The following CDH13 variants were observed in gnomAD, a reference collection of about 807,000 sequenced individuals.
CDH13 encodes the protein cadherin 13.
A neutral mutation model predicts 63.8 loss-of-function variants in CDH13; 24 were observed. That is an observed-to-expected ratio of 0.38 (90% CI 0.27 to 0.53). The LOEUF (loss-of-function observed/expected upper bound fraction) is 0.53, where lower values mean the gene tolerates loss of function less well. Ranked by LOEUF, CDH13 falls within the 20% of genes least tolerant of loss-of-function variation. The probability of loss-of-function intolerance (pLI) is 0.85; values close to 1 mark genes in which losing one functional copy is unlikely to be tolerated. For missense variants in CDH13, 1,049 were observed against 903.1 expected, an observed-to-expected ratio of 1.16 and a Z score of -2.07; for synonymous variants, 503 against 355.3, an observed-to-expected ratio of 1.42 and a Z score of -4.67.
At chr16:83,384,308 C>G (rs1400341990) in intron 6 of CDH13, among the ~76,000 whole-genome samples, 1 of 152,216 alleles carries the variant, frequency 6.6e-6, no homozygotes, top group African/African-American at 2.4e-5. Flanking sequence ...ACTGCCACCT[C>G]TGCCTGACTT....
chr16:82,639,490 T>C, intron 1 of CDH13: 1 of 1,444,962 alleles, frequency 6.9e-7, no homozygotes, highest in East Asian at 2.5e-5. Context: ...TGCTGTGTCG[T>C]GTGGCTGGAT....
intron 8 of CDH13, among the ~76,000 whole-genome samples, chr16:83,649,613 A>C (rs1298368821): frequency 6.6e-6 from 1 of 152,120 alleles, no homozygotes; most frequent in African/African-American, 2.4e-5. Flanking sequence ...GGAGCCAGGG[A>C]CTGGAGTTCA....
intron 2 of CDH13, among the ~76,000 whole-genome samples, chr16:82,879,030 T>C (rs2040600765): frequency 6.6e-6 from 1 of 152,150 alleles, no homozygotes; most frequent in South Asian, 2.1e-4. Context: ...ATCCATGATG[T>C]ATATTTCCAA....
At chr16:83,513,128 C>A (rs1300109246) in intron 7 of CDH13, among the ~76,000 whole-genome samples, 1 of 151,994 alleles carries the variant, frequency 6.6e-6, no homozygotes, top group African/African-American at 2.4e-5. Flanking sequence ...GCCTATAATG[C>A]CTGCTAGTCC....
At chr16:83,117,507 G>A (rs1299899137) in intron 3 of CDH13, among the ~76,000 whole-genome samples, 1 of 151,792 alleles carries the variant, frequency 6.6e-6, no homozygotes, top group Non-Finnish European at 1.5e-5. Flanking sequence ...TTTCTCTTGA[G>A]CCATATGTGT....
chr16:82,827,568 A>C (rs1163434719), intron 1 of CDH13, among the ~76,000 whole-genome samples: 3 of 152,154 alleles, frequency 2.0e-5, no homozygotes, highest in Non-Finnish European at 4.4e-5. Context: ...GACTAGAGTC[A>C]ATCTGTAGAC....
intron 2 of CDH13, among the ~76,000 whole-genome samples, chr16:82,932,168 T>C (rs887490144): frequency 6.6e-6 from 1 of 152,180 alleles, no homozygotes; most frequent in East Asian, 1.9e-4. Context: ...TTTTGAGTCA[T>C]ATAGATGTAG....
chr16:83,345,063 C>G (rs2090810135), intron 6 of CDH13, 57 bp downstream of exon 6: 1 of 1,579,048 alleles, frequency 6.3e-7, no homozygotes. Flanking sequence ...ACACTTTGAT[C>G]TTTGTGGATT....
intron 2 of CDH13, 75 bp downstream of exon 2, chr16:82,858,548 A>G (rs759762303): frequency 3.2e-6 from 3 of 929,032 alleles, no homozygotes; most frequent in Admixed American, 3.6e-5. Flanking sequence ...ACTGTGTCTC[A>G]GGATGTGGTA....
intron 5 of CDH13, among the ~76,000 whole-genome samples, chr16:83,267,211 C>G (rs1907729537): frequency 6.6e-6 from 1 of 152,166 alleles, no homozygotes; most frequent in African/African-American, 2.4e-5. Context: ...GAAAATTTAT[C>G]ATTTCACAAA....
At chr16:82,978,943 CG>C in intron 2 of CDH13, among the ~76,000 whole-genome samples, 2 of 152,216 alleles carry the variant, frequency 1.3e-5, no homozygotes, top group Admixed American at 1.3e-4. Context: ...TGAAAGCAGC[CG>C]GGAGGGGGGT....
At chr16:83,077,715 TG>T (rs762358208) in intron 3 of CDH13, among the ~76,000 whole-genome samples, 9 of 152,178 alleles carry the variant, frequency 5.9e-5, no homozygotes, top group Non-Finnish European at 1.0e-4. Flanking sequence ...TTCTTTCGCT[TG>T]GGTAGACTCC....
chr16:82,687,069 G>C (rs915809330), intron 1 of CDH13, among the ~76,000 whole-genome samples: 1 of 152,228 alleles, frequency 6.6e-6, no homozygotes, highest in Non-Finnish European at 1.5e-5. Flanking sequence ...CAAATGGGCA[G>C]AGAGGGGAAT....
chr16:83,590,903 C>CTTTTTTT (rs34324940), intron 7 of CDH13, among the ~76,000 whole-genome samples: 3 of 88,854 alleles, frequency 3.4e-5, no homozygotes, highest in Non-Finnish European at 4.3e-5. Context: ...CCAGGGGATT[C>CTTTTTTT]TTTTTTTTTT....
At chr16:83,073,348 T>TGAGA (rs1237929475) in intron 3 of CDH13, among the ~76,000 whole-genome samples, 12 of 125,888 alleles carry the variant, frequency 9.5e-5, no homozygotes, top group South Asian at 5.0e-4. Context: ...TGTGTGTGTG[T>TGAGA]GTGTGTGAGA....
At chr16:83,393,987 A>G (rs764886491) in intron 6 of CDH13, among the ~76,000 whole-genome samples, 23 of 152,196 alleles carry the variant, frequency 1.5e-4, no homozygotes, top group Admixed American at 6.5e-4. Flanking sequence ...TTAGCAAACT[A>G]AGGCAGGAAC....
intron 4 of CDH13, among the ~76,000 whole-genome samples, chr16:83,128,309 G>C (rs1159488417): frequency 6.6e-6 from 1 of 152,166 alleles, no homozygotes; most frequent in Non-Finnish European, 1.5e-5. Flanking sequence ...AGCTACATTA[G>C]CATCGCCTGG....
chr16:82,851,440 AAAAAT>A lies in CDH13; in HGVS notation c.46-6917_46-6913del, dbSNP rs368468399. ...ACAGAGTGAGATTTCGTCTCAAAAAAAAAATAAAAAGAAAAAGAAAAAGAAAAAAG... is the reference window on the plus strand; with the variant it reads ...ACAGAGTGAGATTTCGTCTCAAAAAAAAAAAGAAAAAGAAAAAGAAAAAAG... On this transcript the variant is annotated intron_variant, in intron 1 of 13. Coordinates refer to ENST00000567109, the MANE Select transcript of CDH13 (RefSeq NM_001257.5). Among the ~76,000 whole-genome samples the A allele has an allele frequency of 3.6e-3, 192 of 53,240 alleles. 3 individuals carry two copies. In the East Asian group the frequency reaches 0.13, roughly 36 times the overall value. The allele number at this position is 53,240 out of a possible 152,430, so 34.9% of individuals were successfully genotyped here.
At chr16:82,921,405 C>T (rs976635272) in intron 2 of CDH13, among the ~76,000 whole-genome samples, 2 of 152,176 alleles carry the variant, frequency 1.3e-5, no homozygotes, top group Non-Finnish European at 2.9e-5. Context: ...TCTGGTGTCA[C>T]ATTGCCTTCT....
Sources: gnomAD v4.1 joint callset for allele counts (sites outside exome capture counted in the v4.1 genomes callset) on GRCh38, gnomAD v4.1.1 for gene constraint, MANE v1.5 for transcripts, NCBI Gene and HGNC (gene_info 2026-07-23, HGNC 2026-07-21) for gene names.